The following C8orf34 variants were observed in gnomAD, a reference collection of about 807,000 sequenced individuals.
C8orf34 encodes uncharacterized protein C8orf34.
A neutral mutation model predicts 68.3 loss-of-function variants in C8orf34; 65 were observed. That is an observed-to-expected ratio of 0.95 (90% CI 0.78 to 1.17). The LOEUF (loss-of-function observed/expected upper bound fraction) is 1.17, where lower values mean the gene tolerates loss of function less well. Ranked by LOEUF, C8orf34 falls within the 50% of genes most tolerant of loss-of-function variation. C8orf34 has a pLI of 0.00. For synonymous variants in C8orf34, 244 were observed against 241.2 expected, an observed-to-expected ratio of 1.01 and a Z score of -0.11; for missense variants, 664 against 655.4, an observed-to-expected ratio of 1.01 and a Z score of -0.14.
At chr8:68,706,256 G>A (rs1389636462) in intron 8 of C8orf34, among the ~76,000 whole-genome samples, 1 of 152,194 alleles carries the variant, frequency 6.6e-6, no homozygotes, top group Admixed American at 6.5e-5. Context: ...ACAGAGGACA[G>A]GGGTGCAGAG....
intron 1 of C8orf34, among the ~76,000 whole-genome samples, chr8:68,339,273 ATAAG>A (rs961629054): frequency 3.3e-5 from 5 of 151,786 alleles, no homozygotes; most frequent in Non-Finnish European, 5.9e-5. Context: ...ACAATAAATA[ATAAG>A]TAAGTTTATT....
At position 68,533,150 on chromosome 8, in the gene C8orf34, G is replaced by T; in HGVS notation, c.1105+1G>T. 6.4e-7 allele frequency: 1 copy of T among 1,558,914 alleles called. No homozygotes were observed. Among genetic ancestry groups the T allele is most frequent in the Non-Finnish European group, 8.6e-7 (1 of 1,158,694 alleles). On this transcript the variant is annotated splice_donor_variant, in intron 7 of 13. Transcript: ENST00000518698. LOFTEE classifies it high-confidence loss of function. ...GAAGATGATGCAATGGAATTGCTGG[G>T]TAATTTTAAAAATTAATAATTTCTC...
At chr8:68,362,159 G>C (rs1807029169) in intron 1 of C8orf34, among the ~76,000 whole-genome samples, 2 of 152,122 alleles carry the variant, frequency 1.3e-5, no homozygotes, top group Admixed American at 1.3e-4. Context: ...TAAAATGAAT[G>C]GCATTTCCTT....
At chr8:68,706,824 A>G (rs1003313015) in intron 8 of C8orf34, among the ~76,000 whole-genome samples, 3 of 152,316 alleles carry the variant, frequency 2.0e-5, no homozygotes, top group Admixed American at 6.5e-5. Context: ...AGAAAGTTAT[A>G]CATAATCCTG....
At chr8:68,489,674 A>C (rs1440946213) in intron 5 of C8orf34, among the ~76,000 whole-genome samples, 1 of 152,212 alleles carries the variant, frequency 6.6e-6, no homozygotes, top group Non-Finnish European at 1.5e-5. Flanking sequence ...AAAAAGTTTC[A>C]GATTTTGGAG....
rs543428304 is a variant in C8orf34, at chr8:68,390,354, G to A, written c.328-49145G>A. On this transcript the variant is annotated intron_variant, in intron 1 of 13. Transcript: ENST00000518698. ...AATCAAATTAACTGTTTAAATTCAC[G>A]AAATCTTTTGAACAAAAGGGTAGTG... Among the ~76,000 whole-genome samples the A allele has an allele frequency of 6.6e-5, 10 of 152,220 alleles. No homozygotes were observed. In the South Asian group the frequency reaches 1.7e-3, roughly 25 times the overall value.
At chr8:68,633,833 C>T (rs1250889674) in intron 7 of C8orf34, among the ~76,000 whole-genome samples, 2 of 148,454 alleles carry the variant, frequency 1.3e-5, no homozygotes, top group Non-Finnish European at 3.0e-5. Flanking sequence ...GGTTCTGATA[C>T]TATAGGAGAG....
chr8:68,421,209 GAAAGACC>G (rs1359045303), intron 1 of C8orf34, among the ~76,000 whole-genome samples: 3 of 152,084 alleles, frequency 2.0e-5, no homozygotes, highest in Non-Finnish European at 4.4e-5. Context: ...TAAATAAAAC[GAAAGACC>G]TTGGGCATTA....
At chr8:68,429,313 C>T (rs1039743166) in intron 1 of C8orf34, among the ~76,000 whole-genome samples, 3 of 152,114 alleles carry the variant, frequency 2.0e-5, no homozygotes, top group Admixed American at 2.0e-4. Flanking sequence ...TGCTAAATTC[C>T]ATTGGTAATC....
intron 10 of C8orf34, among the ~76,000 whole-genome samples, chr8:68,734,301 A>T (rs893956994): frequency 6.6e-6 from 1 of 152,062 alleles, no homozygotes; most frequent in Admixed American, 6.6e-5. Flanking sequence ...GCCTAAGGAC[A>T]GTCAAATGCA....
intron 1 of C8orf34, among the ~76,000 whole-genome samples, chr8:68,360,995 T>C (rs932397932): frequency 1.3e-5 from 2 of 152,042 alleles, no homozygotes; most frequent in African/African-American, 4.8e-5. Context: ...CCTCAGGTCA[T>C]CCACCCACCT....
intron 12 of C8orf34, among the ~76,000 whole-genome samples, chr8:68,801,755 G>T (rs1824333155): frequency 6.6e-6 from 1 of 152,036 alleles, no homozygotes; most frequent in Admixed American, 6.6e-5. Context: ...CTATCTAATG[G>T]AAAGAGGAAA....
intron 2 of C8orf34, among the ~76,000 whole-genome samples, chr8:68,440,067 C>A (rs1307246596): frequency 1.3e-5 from 2 of 152,134 alleles, no homozygotes; most frequent in East Asian, 3.9e-4. Flanking sequence ...TCTCCATGCC[C>A]CAATTTTATC....
intron 1 of C8orf34, among the ~76,000 whole-genome samples, chr8:68,419,838 G>T (rs540092819): frequency 7.9e-4 from 80 of 101,840 alleles, no homozygotes; most frequent in African/African-American, 2.7e-3. Flanking sequence ...TGGGGTGGGG[G>T]AAGGGGGGAG....
chr8:68,368,188 G>C (rs936475518), intron 1 of C8orf34, among the ~76,000 whole-genome samples: 1 of 152,120 alleles, frequency 6.6e-6, no homozygotes, highest in Non-Finnish European at 1.5e-5. Context: ...CCGGAAAGTA[G>C]ATTTAATTAT....
At chr8:68,428,425 C>T (rs1296685150) in intron 1 of C8orf34, among the ~76,000 whole-genome samples, 1 of 151,938 alleles carries the variant, frequency 6.6e-6, no homozygotes, top group Non-Finnish European at 1.5e-5. Context: ...TGCGTGATAA[C>T]TGGAATCAAA....
intron 8 of C8orf34, among the ~76,000 whole-genome samples, chr8:68,691,772 T>C (rs575684239): frequency 1.3e-5 from 2 of 152,016 alleles, no homozygotes; most frequent in East Asian, 1.9e-4. Flanking sequence ...TAAAGGTGAG[T>C]CCTCCTTTTC....
chr8:68,581,817 C>T (rs1042338482), intron 7 of C8orf34, among the ~76,000 whole-genome samples: 10 of 152,074 alleles, frequency 6.6e-5, no homozygotes, highest in African/African-American at 2.2e-4. Context: ...CATTGTCTCA[C>T]CTTCCAAATT....
At chr8:68,813,805 C>CTGTT (rs1824728325) in intron 12 of C8orf34, among the ~76,000 whole-genome samples, 1 of 152,112 alleles carries the variant, frequency 6.6e-6, no homozygotes, top group Admixed American at 6.6e-5. Flanking sequence ...ATCGGGCTCA[C>CTGTT]TGTTTTCCTC....
Sources: allele counts gnomAD v4.1 joint callset (sites outside exome capture counted in the v4.1 genomes callset), GRCh38; gene constraint gnomAD v4.1.1; transcripts MANE v1.5; gene names NCBI Gene and HGNC (gene_info 2026-07-23, HGNC 2026-07-21).